The following EYS variants were observed in gnomAD, a reference collection of about 807,000 sequenced individuals.
EYS encodes EGF-like photoreceptor maintenance factor, also known as protein eyes shut homolog.
Under a neutral mutation model 282.1 loss-of-function variants are expected in EYS, and 250 were observed. That is an observed-to-expected ratio of 0.89 (90% CI 0.80 to 0.98). EYS has a LOEUF of 0.98. EYS is among the 50% of genes least tolerant of loss of function. EYS has a pLI of 0.00. For missense variants in EYS, 4,016 were observed against 3,709.0 expected (o/e 1.08, Z -2.15); for synonymous variants, 1,355 against 1,282.9 (o/e 1.06, Z -1.20).
intron 13 of EYS, among the ~76,000 whole-genome samples, chr6:65,017,929 T>C (rs1258753539): frequency 6.6e-6 from 1 of 152,180 alleles, no homozygotes; most frequent in South Asian, 2.1e-4. Context: ...CAAGCTTGAA[T>C]CTCAAGCCTC....
chr6:65,222,024 G>A (rs1766479148), intron 12 of EYS, among the ~76,000 whole-genome samples: 1 of 152,118 alleles, frequency 6.6e-6, no homozygotes, highest in Admixed American at 6.5e-5. Context: ...TTTACCTAAT[G>A]CCTGTACCCC....
chr6:64,593,037 T>C (rs1246175620), intron 25 of EYS, 80 bp downstream of exon 25: 2 of 1,097,560 alleles, frequency 1.8e-6, no homozygotes, highest in African/African-American at 3.3e-5. Context: ...AAAAAAGATT[T>C]TAATAATGCA....
intron 5 of EYS, chr6:65,489,929 G>A (rs1351327260): frequency 1.3e-5 from 2 of 152,156 alleles, no homozygotes; most frequent in African/African-American, 4.8e-5. Flanking sequence ...GTTCAACAAT[G>A]AGAACACATG....
chr6:64,247,002 G>T (rs1767045444), intron 30 of EYS, among the ~76,000 whole-genome samples: 2 of 152,156 alleles, frequency 1.3e-5, no homozygotes, highest in African/African-American at 4.8e-5. Context: ...TGCCATTATG[G>T]TTAGTAAGAA....
At chr6:65,670,294 C>T (rs890176036) in intron 1 of EYS, among the ~76,000 whole-genome samples, 2 of 152,050 alleles carry the variant, frequency 1.3e-5, no homozygotes, top group Non-Finnish European at 2.9e-5. Context: ...ACTTCTGTTG[C>T]ATATCTCCTT....
chr6:64,110,794 C>CAG (rs1773179195), intron 31 of EYS, among the ~76,000 whole-genome samples: 1 of 151,810 alleles, frequency 6.6e-6, no homozygotes, highest in Non-Finnish European at 1.5e-5. Context: ...AAAAGGCAGA[C>CAG]AGAGAGGCAG....
At chr6:65,215,467 C>A (rs763770901) in intron 12 of EYS, among the ~76,000 whole-genome samples, 6 of 152,126 alleles carry the variant, frequency 3.9e-5, no homozygotes, top group Non-Finnish European at 8.8e-5. Context: ...ATAAGGAGTT[C>A]TTTATGAAGG....
At chr6:64,215,176 G>C (rs968605053) in intron 31 of EYS, among the ~76,000 whole-genome samples, 10 of 151,902 alleles carry the variant, frequency 6.6e-5, no homozygotes, top group African/African-American at 2.4e-4. Context: ...GAAAATGAAG[G>C]ATTGTTTTCA....
At chr6:64,602,563 G>C (rs555697711) in intron 24 of EYS, among the ~76,000 whole-genome samples, 1 of 152,082 alleles carries the variant, frequency 6.6e-6, no homozygotes, top group Non-Finnish European at 1.5e-5. Flanking sequence ...CTTTCTCTTT[G>C]TCCTCTACAC....
intron 12 of EYS, among the ~76,000 whole-genome samples, chr6:65,085,680 G>A (rs889552190): frequency 1.3e-5 from 2 of 152,062 alleles, no homozygotes; most frequent in Non-Finnish European, 2.9e-5. Flanking sequence ...AAATCTTCCA[G>A]AACACAACTC....
At chr6:63,879,208 G>T (rs376827956) in intron 35 of EYS, among the ~76,000 whole-genome samples, 1 of 152,106 alleles carries the variant, frequency 6.6e-6, no homozygotes, top group Admixed American at 6.5e-5. Context: ...TTAGAAAGTC[G>T]AGGGAGAATA....
At chr6:64,910,845 A>C (rs1327272751) in intron 16 of EYS, among the ~76,000 whole-genome samples, 1 of 152,052 alleles carries the variant, frequency 6.6e-6, no homozygotes, top group Admixed American at 6.5e-5. Context: ...ATAAATAGCA[A>C]AAGAATTTTT....
At chr6:64,958,439 T>C (rs1190734392) in intron 14 of EYS, among the ~76,000 whole-genome samples, 1 of 151,330 alleles carries the variant, frequency 6.6e-6, no homozygotes, top group African/African-American at 2.4e-5. Flanking sequence ...AAACCTCACT[T>C]TCACAGAGAT....
intron 5 of EYS, among the ~76,000 whole-genome samples, chr6:65,419,188 C>T (rs971659447): frequency 5.3e-5 from 8 of 151,584 alleles, no homozygotes; most frequent in African/African-American, 1.9e-4. Flanking sequence ...TGTATAAACC[C>T]AAACACGAGG....
intron 35 of EYS, among the ~76,000 whole-genome samples, chr6:63,895,889 G>A (rs1253120683): frequency 4.2e-5 from 5 of 118,614 alleles, no homozygotes; most frequent in Non-Finnish European, 6.6e-5. Context: ...TTATTTAATC[G>A]TTGAGATCAT....
At chr6:64,493,124 G>C (rs983690934) in intron 26 of EYS, among the ~76,000 whole-genome samples, 3 of 151,446 alleles carry the variant, frequency 2.0e-5, no homozygotes, top group African/African-American at 4.8e-5. Flanking sequence ...AAAAGTAGGA[G>C]AGGCATTTCT....
chr6:64,215,536 C>T (rs777153880), intron 31 of EYS, among the ~76,000 whole-genome samples: 20 of 151,868 alleles, frequency 1.3e-4, no homozygotes, highest in Non-Finnish European at 2.8e-4. Flanking sequence ...GAGATAGTGC[C>T]TCTAATTTGC....
At chr6:65,335,211 G>C (rs1400557569) in intron 10 of EYS, 65 bp from the exon 11 acceptor site, 4 of 1,160,776 alleles carry the variant, frequency 3.4e-6, no homozygotes, top group Non-Finnish European at 5.1e-6. Context: ...TTACAATTGT[G>C]ACCTGAGAGA....
At chr6:64,427,995 A>T (rs1027031242) in intron 28 of EYS, among the ~76,000 whole-genome samples, 3 of 152,122 alleles carry the variant, frequency 2.0e-5, no homozygotes, top group African/African-American at 7.2e-5. Context: ...GATTCAGTAA[A>T]CTAATTACAC....
Sources: gnomAD v4.1 joint callset for allele counts (sites outside exome capture counted in the v4.1 genomes callset) on GRCh38, gnomAD v4.1.1 for gene constraint, MANE v1.5 for transcripts, NCBI Gene and HGNC (gene_info 2026-07-23, HGNC 2026-07-21) for gene names.